The following TRIM5 variants were observed in gnomAD, a reference collection of about 807,000 sequenced individuals.
TRIM5 encodes the protein tripartite motif containing 5.
TRIM5 carries 31 observed loss-of-function variants against 35.6 expected under a neutral mutation model. The observed-to-expected ratio is 0.87, with a 90% confidence interval of 0.65 to 1.18. The LOEUF (loss-of-function observed/expected upper bound fraction) is 1.18, where lower values mean the gene tolerates loss of function less well. Ranked by LOEUF, TRIM5 falls within the 50% of genes most tolerant of loss-of-function variation. The pLI, the probability that TRIM5 is intolerant of heterozygous loss-of-function variation, is 0.00. For missense variants in TRIM5, 609 were observed against 591.6 expected (o/e 1.03, Z -0.31); for synonymous variants, 243 against 215.6 (o/e 1.13, Z -1.11).
the TRIM5 span, among the ~76,000 whole-genome samples, chr11:5,593,016 CA>C: frequency 6.6e-6 from 1 of 150,942 alleles, no homozygotes; most frequent in Non-Finnish European, 1.5e-5. Flanking sequence ...AGGAAAGGAC[CA>C]AAAAAATGCA....
chr11:5,616,420 T>C, the TRIM5 span, among the ~76,000 whole-genome samples: 1 of 145,808 alleles, frequency 6.9e-6, no homozygotes, highest in Non-Finnish European at 1.5e-5. Context: ...GTTGGCATTT[T>C]AACTTAGTTT....
rs1850893288 is a variant in TRIM5, at chr11:5,663,206, G to A, written c.*1603C>T. The A allele has an allele frequency of 1.1e-6, 1 of 925,304 alleles. No homozygotes were observed. The highest frequency in any genetic ancestry group is 1.8e-5 in the African/African-American group (1 of 56,026). 57.3% of individuals were successfully genotyped at this position (925,304 alleles called of 1,614,324 possible). A position where few individuals can be genotyped will look rare whatever the true frequency, so the allele number is the denominator to read the frequency against. ...ATTACCCCTTACATGCTAGAAATGA[G>A]TGAAGCTATTCAAAAAACTCGTTTA... On this transcript the variant is annotated 3_prime_UTR_variant, in exon 8 of 8. Coordinates refer to ENST00000380034, the MANE Select transcript of TRIM5 (RefSeq NM_033034.3).
At chr11:5,641,080 A>ATTT in the TRIM5 span, 1 of 1,377,504 alleles carries the variant, frequency 7.3e-7, no homozygotes, top group South Asian at 1.5e-5. Context: ...TGATTTTTCC[A>ATTT]TTTTTTTTCC....
chr11:5,680,940 T>C (rs60435319), intron 1 of TRIM5, among the ~76,000 whole-genome samples: 2,974 of 152,272 alleles, frequency 0.02, 102 homozygotes, highest in African/African-American at 0.068. Context: ...TTTTGGTTAA[T>C]CAATGACAAA....
At chr11:5,653,832 T>C in the TRIM5 span, among the ~76,000 whole-genome samples, 1 of 150,046 alleles carries the variant, frequency 6.7e-6, no homozygotes, top group South Asian at 2.1e-4. Context: ...TCCTGTAGTC[T>C]TTCTTTATTT....
At chr11:5,655,346 A>G in the TRIM5 span, among the ~76,000 whole-genome samples, 1 of 152,192 alleles carries the variant, frequency 6.6e-6, no homozygotes, top group African/African-American at 2.4e-5. Flanking sequence ...TCTACAATTT[A>G]AATAATTATC....
At position 5,673,516 on chromosome 11, in the gene TRIM5, A is replaced by G. The variant is rs192469140; in HGVS notation, c.744+4688T>C. 2.4e-3 allele frequency among the ~76,000 whole-genome samples: 369 copies of G among 152,328 alleles called. 1 individual carries two copies. The highest frequency in any genetic ancestry group is 3.9e-3 in the Non-Finnish European group (264 of 68,000). On this transcript the variant is annotated intron_variant, in intron 4 of 7. Coordinates refer to ENST00000380034, the MANE Select transcript of TRIM5 (RefSeq NM_033034.3). Reference sequence around the variant, plus strand: ...CAATAATTTACTCTCAGTAATTAATAGAAAAACTAGTATAAAAACCATAAA... The same window carrying G: ...CAATAATTTACTCTCAGTAATTAATGGAAAAACTAGTATAAAAACCATAAA...
Position 5,665,204 on chromosome 11 carries a change from C to A in TRIM5, c.1087G>T (p.Val363Leu). Residue 363 changes from valine to leucine, a missense_variant, in exon 8 of 8, where the codon GTA becomes TTA. Physicochemically the swap from Val to Leu is conservative, Grantham distance 32 (BLOSUM62 1). Transcript: ENST00000380034. ...SITSGKHYWE[V>L]DVSKKTAWIL... is the part of the protein sequence containing the mutation. The stretch of plus-strand genomic sequence containing the variant: ...CAAGCAGTTTTCTTGGACACGTCTA[C>A]CTCCCAGTAATGTTTCCCTGATGTG... The A allele has an allele frequency of 1.2e-6, 2 of 1,614,142 alleles. No individual in the cohort carries two copies. The highest frequency in any genetic ancestry group is 1.7e-6 in the Non-Finnish European group (2 of 1,180,016).
chr11:5,612,101 T>G, the TRIM5 span: 2 of 152,242 alleles, frequency 1.3e-5, no homozygotes, highest in Non-Finnish European at 2.9e-5. Context: ...TACACCATTA[T>G]TATTTGTTGT....
At chr11:5,636,157 A>G in the TRIM5 span, among the ~76,000 whole-genome samples, 1 of 152,246 alleles carries the variant, frequency 6.6e-6, no homozygotes, top group African/African-American at 2.4e-5. Context: ...GATAAGCAAA[A>G]TGTGTTATAT....
chr11:5,662,632 G>A (rs1850869296), downstream of TRIM5, among the ~76,000 whole-genome samples: 1 of 152,052 alleles, frequency 6.6e-6, no homozygotes, highest in Non-Finnish European at 1.5e-5. Context: ...TTAAGACTAG[G>A]CAGCTATGAA....
chr11:5,608,424 C>G, the TRIM5 span: 1 of 1,612,298 alleles, frequency 6.2e-7, no homozygotes. Context: ...GAGGTAGTTC[C>G]CCTGGACTGA....
the TRIM5 span, among the ~76,000 whole-genome samples, chr11:5,592,218 TTTATTCATCGGTA>T: frequency 6.6e-6 from 1 of 152,212 alleles, no homozygotes; most frequent in Non-Finnish European, 1.5e-5. Context: ...AAATTCATGT[TTTATTCATCGGTA>T]TTACTCCAGA....
In TRIM5 at chr11:5,680,228, T is replaced by G. The variant is rs769885387; in HGVS notation, c.-51A>C. ...GTCCTGGCTGCTGAGGTTCCTCTTG[T>G]TCACAGATCCCTGCATGATTGGGAA... On this transcript the variant is annotated 5_prime_UTR_variant, in exon 2 of 8. Coordinates refer to ENST00000380034, the MANE Select transcript of TRIM5 (RefSeq NM_033034.3). The G allele has an allele frequency of 2.6e-6, 4 of 1,519,188 alleles. No individual in the cohort carries two copies. The highest frequency in any genetic ancestry group is 1.8e-4 in the Middle Eastern group (1 of 5,622). The allele number at this position is 1,519,188 out of a possible 1,614,324, so 94.1% of individuals were successfully genotyped here.
At chr11:5,642,016 C>A in the TRIM5 span, among the ~76,000 whole-genome samples, 11 of 152,278 alleles carry the variant, frequency 7.2e-5, no homozygotes, top group Admixed American at 6.5e-4. Flanking sequence ...ACATCTCTGG[C>A]CCCTCCCAGA....
Position 5,664,733 on chromosome 11 carries a change from T to C in TRIM5, c.*76A>G. ...AGCAAGGAAAAGATGGTTAAAATGA[T>C]GCAAATGAGTTCAGGTGTATGAGAT... is the stretch of plus-strand genomic sequence containing the variant. On this transcript the variant is annotated 3_prime_UTR_variant, in exon 8 of 8. Coordinates refer to ENST00000380034, the MANE Select transcript of TRIM5 (RefSeq NM_033034.3). The C allele has an allele frequency of 1.4e-5, 21 of 1,496,324 alleles. No individual in the cohort carries two copies. The highest frequency in any genetic ancestry group is 1.9e-5 in the Non-Finnish European group (21 of 1,126,900). The allele number at this position is 1,496,324 out of a possible 1,614,324, so 92.7% of individuals were successfully genotyped here. A position where few individuals can be genotyped will look rare whatever the true frequency, so the allele number is the denominator to read the frequency against.
chr11:5,644,936 T>G, the TRIM5 span, among the ~76,000 whole-genome samples: 1 of 152,208 alleles, frequency 6.6e-6, no homozygotes, highest in African/African-American at 2.4e-5. Flanking sequence ...TTGGGAGATC[T>G]GGTTATTTAA....
chr11:5,601,241 A>T, the TRIM5 span, among the ~76,000 whole-genome samples: 1 of 152,200 alleles, frequency 6.6e-6, no homozygotes, highest in Non-Finnish European at 1.5e-5. Context: ...GGTCAAAGTT[A>T]TGAGTTTGAG....
chr11:5,656,350 A>G, the TRIM5 span, among the ~76,000 whole-genome samples: 1 of 126,558 alleles, frequency 7.9e-6, no homozygotes, highest in African/African-American at 2.7e-5. Flanking sequence ...GGATATGAAC[A>G]GACACTTTTT....
Sources: gnomAD v4.1 joint callset for allele counts (sites outside exome capture counted in the v4.1 genomes callset) on GRCh38, gnomAD v4.1.1 for gene constraint, MANE v1.5 for transcripts, NCBI Gene and HGNC (gene_info 2026-07-23, HGNC 2026-07-21) for gene names.